Variants in BLTP1 observed in about 807,000 individuals in gnomAD.
The protein encoded by BLTP1 is bridge-like lipid transfer protein family member 1.
chr4:122,302,320 C>A, the BLTP1 span: 1 of 856,730 alleles, frequency 1.2e-6, no homozygotes, highest in Non-Finnish European at 1.4e-6. Flanking sequence ...TATTGCACTT[C>A]GCTTTATTGT....
chr4:122,345,681 T>TTGA, the BLTP1 span, among the ~76,000 whole-genome samples: 2 of 152,064 alleles, frequency 1.3e-5, no homozygotes, highest in South Asian at 4.2e-4. Flanking sequence ...AAGAAATGGG[T>TTGA]TGATGCTTCA....
At chr4:122,201,844 A>AT in the BLTP1 span, 28 of 981,626 alleles carry the variant, frequency 2.9e-5, no homozygotes, top group Non-Finnish European at 3.4e-5. Context: ...CCATCCATCC[A>AT]TTTGTGCAAC....
chr4:122,308,746 G>A, the BLTP1 span, among the ~76,000 whole-genome samples: 1 of 152,020 alleles, frequency 6.6e-6, no homozygotes, highest in Non-Finnish European at 1.5e-5. Context: ...AGGCCAAGAA[G>A]CAACAGTTAT....
the BLTP1 span, among the ~76,000 whole-genome samples, chr4:122,283,753 G>A: frequency 3.3e-5 from 5 of 152,060 alleles, no homozygotes; most frequent in Non-Finnish European, 7.4e-5. Flanking sequence ...CAAGCGATCC[G>A]CCTGCCTTGG....
the BLTP1 span, among the ~76,000 whole-genome samples, chr4:122,295,904 T>C: frequency 6.6e-6 from 1 of 152,102 alleles, no homozygotes; most frequent in Admixed American, 6.5e-5. Context: ...TTAAAAACTC[T>C]CAATAAACTA....
the BLTP1 span, chr4:122,250,347 T>C: frequency 6.3e-7 from 1 of 1,582,666 alleles, no homozygotes; most frequent in Non-Finnish European, 8.7e-7. Flanking sequence ...TAAATGCTTT[T>C]TTTTATTTTT....
the BLTP1 span, among the ~76,000 whole-genome samples, chr4:122,177,375 A>C: frequency 6.6e-6 from 1 of 152,066 alleles, no homozygotes; most frequent in African/African-American, 2.4e-5. Context: ...TCTCTTAACT[A>C]GTCTCCCTGC....
chr4:122,344,239 A>G, the BLTP1 span: 1 of 925,604 alleles, frequency 1.1e-6, no homozygotes, highest in Non-Finnish European at 1.5e-6. Flanking sequence ...TGCTCATTAG[A>G]TCCCTCTGCT....
At chr4:122,341,682 C>T in the BLTP1 span, 44 of 983,552 alleles carry the variant, frequency 4.5e-5, no homozygotes, top group South Asian at 1.9e-4. Context: ...ATATAGGTTG[C>T]GACAATATCC....
the BLTP1 span, chr4:122,261,707 A>G: frequency 1.5e-5 from 15 of 984,096 alleles, 1 homozygote; most frequent in South Asian, 6.6e-4. Flanking sequence ...TTTCCTTAGT[A>G]AGTATGTAAG....
the BLTP1 span, chr4:122,176,055 A>T: frequency 1.9e-6 from 1 of 526,872 alleles, no homozygotes. Flanking sequence ...TAATCCCAGC[A>T]CTTTGGGAGG....
the BLTP1 span, chr4:122,298,361 C>A: frequency 6.4e-6 from 2 of 314,012 alleles, no homozygotes; most frequent in Non-Finnish European, 9.3e-6. Context: ...TTTCACCCAT[C>A]CTGTTAGAAA....
chr4:122,229,934 G>A, the BLTP1 span: 473 of 1,608,728 alleles, frequency 2.9e-4, 1 homozygote, highest in Admixed American at 5.3e-4. Flanking sequence ...ATTTTAGATG[G>A]GTGCAATTCG....
At chr4:122,197,745 A>G in the BLTP1 span, among the ~76,000 whole-genome samples, 1 of 152,110 alleles carries the variant, frequency 6.6e-6, no homozygotes. Context: ...AACTTTAATA[A>G]ACATTTCATG....
chr4:122,345,572 G>T, the BLTP1 span, among the ~76,000 whole-genome samples: 4 of 151,530 alleles, frequency 2.6e-5, no homozygotes, highest in Non-Finnish European at 5.9e-5. Flanking sequence ...TAGAGGTAAA[G>T]CTGATAAAAT....
the BLTP1 span, chr4:122,200,396 G>A: frequency 1.7e-6 from 1 of 571,470 alleles, no homozygotes; most frequent in Non-Finnish European, 2.2e-6. Flanking sequence ...TGACCAATAT[G>A]GTGAAACCCT....
At chr4:122,349,483 G>A in the BLTP1 span, 1 of 1,595,284 alleles carries the variant, frequency 6.3e-7, no homozygotes, top group Non-Finnish European at 8.6e-7. This position sits in a 1 kb window ranked among gnomAD's most constrained non-coding sequence, Gnocchi z 4.5. Flanking sequence ...CAGCAACCCA[G>A]TCACAAAATT....
the BLTP1 span, chr4:122,272,282 C>T: frequency 6.2e-7 from 1 of 1,613,258 alleles, no homozygotes; most frequent in East Asian, 2.2e-5. Flanking sequence ...GCATGTTACT[C>T]TAATAGTGTT....
the BLTP1 span, among the ~76,000 whole-genome samples, chr4:122,174,010 T>G: frequency 6.6e-6 from 1 of 152,152 alleles, no homozygotes; most frequent in Non-Finnish European, 1.5e-5. Context: ...ATTAATTAAA[T>G]TTTTGACTAC....
Sources: gnomAD v4.1 joint callset for allele counts (sites outside exome capture counted in the v4.1 genomes callset) on GRCh38, gnomAD v4.1.1 for gene constraint, Gnocchi (gnomAD v3.1) non-coding constraint, MANE v1.5 for transcripts, NCBI Gene and HGNC (gene_info 2026-07-23, HGNC 2026-07-21) for gene names.